Variants in SOX6 observed in about 807,000 individuals in gnomAD.
SOX6 encodes transcription factor SOX-6.
A neutral mutation model predicts 97.8 loss-of-function variants in SOX6; 11 were observed. The observed-to-expected ratio is 0.11, with a 90% CI of 0.07 to 0.19. The LOEUF is 0.19. Among genes scored for constraint, SOX6 ranks in the 10% least tolerant of loss-of-function variants. The pLI is 1.00. For synonymous variants in SOX6, 360 were observed against 371.4 expected (o/e 0.97, Z 0.35); for missense variants, 810 against 1,039.5 (o/e 0.78, Z 3.04).
intron 12 of SOX6, among the ~76,000 whole-genome samples, chr11:16,040,769 G>T (rs1342744014): frequency 6.6e-6 from 1 of 152,048 alleles, no homozygotes; most frequent in Non-Finnish European, 1.5e-5. Context: ...GGAGTAAAGT[G>T]ATCCCGAGCT....
intron 9 of SOX6, among the ~76,000 whole-genome samples, chr11:16,077,572 G>A (rs1848385367): frequency 6.6e-6 from 1 of 152,102 alleles, no homozygotes; most frequent in South Asian, 2.1e-4. Flanking sequence ...GCCCGTCATA[G>A]TAGACTTGAT....
At chr11:16,121,721 T>G (rs1396911103) in intron 6 of SOX6, among the ~76,000 whole-genome samples, 1 of 152,176 alleles carries the variant, frequency 6.6e-6, no homozygotes, top group East Asian at 1.9e-4. Context: ...GTCAGATTTC[T>G]TTATAAAATG....
chr11:16,680,999 C>G (rs1371897311), intron 3 of SOX6, among the ~76,000 whole-genome samples: 1 of 152,126 alleles, frequency 6.6e-6, no homozygotes, highest in African/African-American at 2.4e-5. Flanking sequence ...GACTCCCACA[C>G]AATAATACTG....
At chr11:16,389,686 C>G (rs1391543099) in intron 1 of SOX6, among the ~76,000 whole-genome samples, 1 of 152,046 alleles carries the variant, frequency 6.6e-6, no homozygotes, top group East Asian at 1.9e-4. Context: ...AAGAAGCTTA[C>G]GGCCGGGTGC....
At chr11:16,615,431 G>A (rs1378082424) in intron 3 of SOX6, among the ~76,000 whole-genome samples, 1 of 152,148 alleles carries the variant, frequency 6.6e-6, no homozygotes, top group Non-Finnish European at 1.5e-5. Context: ...CTAAGCCAGG[G>A]TAGGAATTAA....
intron 6 of SOX6, among the ~76,000 whole-genome samples, chr11:16,127,854 C>A (rs983894479): frequency 6.6e-6 from 1 of 152,156 alleles, no homozygotes; most frequent in African/African-American, 2.4e-5. Flanking sequence ...CTAGACCCCA[C>A]ATCATTATGT....
intron 4 of SOX6, among the ~76,000 whole-genome samples, chr11:16,590,618 A>G (rs1848138933): frequency 6.6e-6 from 1 of 152,156 alleles, no homozygotes; most frequent in African/African-American, 2.4e-5. Context: ...TTTAGCCACA[A>G]AAAGAATGAG....
At chr11:16,265,291 TC>T (rs1854047400) in intron 3 of SOX6, among the ~76,000 whole-genome samples, 3 of 152,000 alleles carry the variant, frequency 2.0e-5, no homozygotes, top group Admixed American at 6.6e-5. Context: ...AATAGTCCTA[TC>T]TTCACTAGCC....
At chr11:16,722,365 G>A (rs1355730041) in intron 2 of SOX6, among the ~76,000 whole-genome samples, 1 of 152,090 alleles carries the variant, frequency 6.6e-6, no homozygotes, top group African/African-American at 2.4e-5. Flanking sequence ...TAAAAAGTGG[G>A]CAATGGGCCG....
intron 13 of SOX6, among the ~76,000 whole-genome samples, chr11:16,014,127 G>A (rs980848886): frequency 6.6e-6 from 1 of 152,030 alleles, no homozygotes; most frequent in African/African-American, 2.4e-5. Flanking sequence ...TGATGACACA[G>A]TAAATAACCA....
At position 16,553,869 on chromosome 11, in the gene SOX6, C is replaced by A. The variant is rs138498428; in HGVS notation, n.609+58212G>T. Among the ~76,000 whole-genome samples the A allele has an allele frequency of 1.5e-3, 229 of 152,204 alleles. 1 individual carries two copies. Among genetic ancestry groups the A allele is most frequent in the Middle Eastern group, 3.4e-3 (1 of 294 alleles). On this transcript the variant is annotated intron_variant and non_coding_transcript_variant, in intron 4 of 5. Coordinates refer to the SOX6 transcript ENST00000524520. ...AATTCCAACACCATTTCATCAACAA[C>A]CTTATTAAAAAGATGAAAAATAGAC...
At chr11:16,630,017 A>AT (rs1283484457) in intron 3 of SOX6, among the ~76,000 whole-genome samples, 3 of 151,960 alleles carry the variant, frequency 2.0e-5, no homozygotes, top group Non-Finnish European at 4.4e-5. Flanking sequence ...TGGTCTATCA[A>AT]TTTTATCTTT....
chr11:16,257,227 G>A (rs1853721653), intron 3 of SOX6, among the ~76,000 whole-genome samples: 1 of 151,768 alleles, frequency 6.6e-6, no homozygotes, highest in Admixed American at 6.6e-5. Context: ...TTTCTATGAA[G>A]AGGCAAAAGA....
intron 4 of SOX6, chr11:16,484,711 T>C: frequency 1.8e-6 from 1 of 560,046 alleles, no homozygotes; most frequent in Non-Finnish European, 3.2e-6. Flanking sequence ...GAACCGTGCC[T>C]AGTTCAGTCC....
At chr11:16,738,477 T>C (rs1255136926) in exon 1 of SOX6, 3 of 470,232 alleles carry the variant, frequency 6.4e-6, no homozygotes, top group Non-Finnish European at 1.2e-5. Context: ...GCGGGGCCTC[T>C]GAGGGCACTC....
intron 4 of SOX6, among the ~76,000 whole-genome samples, chr11:16,211,015 G>A (rs554380612): frequency 2.0e-4 from 30 of 152,210 alleles, no homozygotes; most frequent in Middle Eastern, 6.8e-3. Context: ...GGAATACTTA[G>A]GAGTAGAGAA....
chr11:16,669,836 C>A (rs11517759), intron 3 of SOX6, among the ~76,000 whole-genome samples: 49,858 of 152,016 alleles, frequency 0.33, 9,265 homozygotes, highest in Non-Finnish European at 0.42. Flanking sequence ...ACCCTGCCCC[C>A]ACCTGATCAC....
chr11:16,437,995 A>T (rs1282802414), intron 1 of SOX6, among the ~76,000 whole-genome samples: 1 of 152,128 alleles, frequency 6.6e-6, no homozygotes, highest in Non-Finnish European at 1.5e-5. Context: ...ACAATATTGG[A>T]TAAGCCTGTA....
intron 12 of SOX6, among the ~76,000 whole-genome samples, chr11:16,042,050 T>C (rs1261848918): frequency 6.6e-6 from 1 of 152,188 alleles, no homozygotes; most frequent in Non-Finnish European, 1.5e-5. Context: ...CTATATGCTG[T>C]ACATATGCTT....
Sources: allele counts gnomAD v4.1 joint callset (sites outside exome capture counted in the v4.1 genomes callset), GRCh38; gene constraint gnomAD v4.1.1; transcripts MANE v1.5; gene names NCBI Gene and HGNC (gene_info 2026-07-23, HGNC 2026-07-21).